Variants in GOLM2 observed in about 807,000 individuals in gnomAD.
The protein encoded by GOLM2 is protein GOLM2.
Under a neutral mutation model 55.9 loss-of-function variants are expected in GOLM2, and 26 were observed. The ratio of observed to expected loss-of-function variants is 0.47; its 90% confidence interval spans 0.34 to 0.65. The LOEUF (loss-of-function observed/expected upper bound fraction) is 0.65, where lower values mean the gene tolerates loss of function less well. Ranked by LOEUF, GOLM2 falls within the 30% of genes least tolerant of loss-of-function variation. GOLM2 has a pLI of 0.01. For synonymous variants in GOLM2, 165 were observed against 194.6 expected (o/e 0.85, Z 1.27); for missense variants, 486 against 531.8 (o/e 0.91, Z 0.85).
At chr15:44,398,066 C>A (rs1031906555) in intron 8 of GOLM2, among the ~76,000 whole-genome samples, 1 of 152,198 alleles carries the variant, frequency 6.6e-6, no homozygotes, top group Non-Finnish European at 1.5e-5. Flanking sequence ...TAAGGCAGAT[C>A]AGATTTCAGT....
intron 8 of GOLM2, among the ~76,000 whole-genome samples, chr15:44,382,723 G>A (rs2079412241): frequency 6.6e-6 from 1 of 151,754 alleles, no homozygotes; most frequent in Non-Finnish European, 1.5e-5. Context: ...TAAAGAAGGT[G>A]GTTGGAAATA....
chr15:44,331,588 ACTT>A (rs1230835451), intron 3 of GOLM2, among the ~76,000 whole-genome samples: 1 of 152,050 alleles, frequency 6.6e-6, no homozygotes, highest in African/African-American at 2.4e-5. Flanking sequence ...TTCTGCTGCC[ACTT>A]CTTATCAGCT....
chr15:44,365,407 A>C (rs1287085210), intron 6 of GOLM2, among the ~76,000 whole-genome samples: 1 of 152,044 alleles, frequency 6.6e-6, no homozygotes, highest in Non-Finnish European at 1.5e-5. Flanking sequence ...TGTGACTGTA[A>C]TCTCAGCTAC....
chr15:44,408,703 G>A (rs1425474024), intron 9 of GOLM2, among the ~76,000 whole-genome samples: 1 of 152,200 alleles, frequency 6.6e-6, no homozygotes, highest in Non-Finnish European at 1.5e-5. Flanking sequence ...AAAGGGCCAG[G>A]CGCGGTGGTT....
Position 44,337,885 on chromosome 15 carries a change from C to A in GOLM2, c.699C>A (p.Ser233Arg). The change falls in exon 5 of 10, where the codon AGC becomes AGA. Residue 233 changes from serine to arginine, a missense_variant. Physicochemically the swap from Ser to Arg is moderately radical, Grantham distance 110 (BLOSUM62 -1). Coordinates refer to ENST00000299957, the MANE Select transcript of GOLM2 (RefSeq NM_138423.4). ...NVADKNEEPS[S>R]NHIPHGKEQI... ...CAGATAAGAATGAAGAACCCTCAAG[C>A]AATCATATTCCACATGGGAAAGGTA... 6.3e-7 allele frequency: 1 copy of A among 1,595,464 alleles called. No individual in the cohort carries two copies. Among genetic ancestry groups the A allele is most frequent in the Non-Finnish European group, 8.5e-7 (1 of 1,175,506 alleles).
chr15:44,380,057 A>C (rs996589310), intron 7 of GOLM2, among the ~76,000 whole-genome samples: 2 of 152,180 alleles, frequency 1.3e-5, no homozygotes, highest in Non-Finnish European at 2.9e-5. Context: ...TCTGCCTGCT[A>C]TACAGGTTTA....
At chr15:44,388,164 T>C (rs2079460802) in intron 8 of GOLM2, among the ~76,000 whole-genome samples, 1 of 149,874 alleles carries the variant, frequency 6.7e-6, no homozygotes, top group Non-Finnish European at 1.5e-5. Context: ...TAATTCCAGC[T>C]ACTCGGGAGG....
chr15:44,312,095 A>T (rs900241857), intron 1 of GOLM2, among the ~76,000 whole-genome samples: 3 of 152,090 alleles, frequency 2.0e-5, no homozygotes, highest in African/African-American at 7.2e-5. Context: ...CTAATCTATT[A>T]CCTCTTCCTT....
intron 6 of GOLM2, among the ~76,000 whole-genome samples, chr15:44,362,795 C>T (rs1425602058): frequency 1.3e-5 from 2 of 152,192 alleles, no homozygotes; most frequent in African/African-American, 4.8e-5. Flanking sequence ...TCAAACTATA[C>T]TGCAAGGCTA....
At chr15:44,362,879 AATAACGCCGC>A (rs1289811987) in intron 6 of GOLM2, among the ~76,000 whole-genome samples, 4 of 152,232 alleles carry the variant, frequency 2.6e-5, no homozygotes, top group African/African-American at 9.7e-5. Context: ...AGCCCTCAGA[AATAACGCCGC>A]ATATCTACAG....
At chr15:44,385,423 G>A (rs897077261) in intron 8 of GOLM2, among the ~76,000 whole-genome samples, 2 of 144,786 alleles carry the variant, frequency 1.4e-5, no homozygotes, top group African/African-American at 5.1e-5. Context: ...TAGTACATAT[G>A]AAGTGATGTT....
intron 6 of GOLM2, among the ~76,000 whole-genome samples, chr15:44,366,292 G>A (rs1490573987): frequency 8.1e-6 from 1 of 124,180 alleles, no homozygotes; most frequent in African/African-American, 3.1e-5. Context: ...GCGAGACTCC[G>A]TCTCAAAAAA....
Position 44,309,904 on chromosome 15 carries a change from T to TA in GOLM2, c.328-13060dup, listed in dbSNP as rs2078861867. On this transcript the variant is annotated intron_variant, in intron 1 of 9. Transcript: ENST00000299957. The stretch of plus-strand genomic sequence containing the variant: ...CACCAGCTTTTGGTTTTTTTTTTGA[T>TA]ACGGAGTTTCACTCTGTTGCCCAGG... Among the ~76,000 whole-genome samples, 7 of 151,954 alleles carry TA rather than the reference T, an allele frequency of 4.6e-5. No homozygotes were observed. The South Asian group carries it at 1.5e-3, about 32-fold the overall frequency.
At chr15:44,375,285 C>A (rs963344537) in intron 6 of GOLM2, among the ~76,000 whole-genome samples, 3 of 152,172 alleles carry the variant, frequency 2.0e-5, no homozygotes, top group African/African-American at 7.2e-5. Context: ...TCCCAAAGTG[C>A]TGAGATTACA....
At chr15:44,367,816 C>T (rs1410556144) in intron 6 of GOLM2, among the ~76,000 whole-genome samples, 4 of 151,736 alleles carry the variant, frequency 2.6e-5, no homozygotes, top group Non-Finnish European at 5.9e-5. Flanking sequence ...GATGCAGTTC[C>T]AACTGTCTTC....
chr15:44,367,664 G>A (rs1304276993), intron 6 of GOLM2, among the ~76,000 whole-genome samples: 1 of 151,984 alleles, frequency 6.6e-6, no homozygotes, highest in Non-Finnish European at 1.5e-5. Context: ...GCCTGGTGGC[G>A]TGGGCCTGCA....
chr15:44,289,959 T>C lies in GOLM2; in HGVS notation c.327+603T>C, dbSNP rs2078708644. Among the ~76,000 whole-genome samples the C allele has an allele frequency of 6.6e-6, 1 of 152,218 alleles. No individual in the cohort carries two copies. The highest frequency in any genetic ancestry group is 6.5e-5 in the Admixed American group (1 of 15,272). ...GTGAGACACACTTGTGTCTTGGACA[T>C]AGTTGATCCATCATTATCTACTCAA... On this transcript the variant is annotated intron_variant, in intron 1 of 9. Transcript: ENST00000299957. The surrounding 1 kb of genome is among the most constrained non-coding windows in gnomAD (Gnocchi z 4.8).
chr15:44,329,899 CTT>C (rs777520089), intron 3 of GOLM2, among the ~76,000 whole-genome samples: 8 of 126,908 alleles, frequency 6.3e-5, no homozygotes, highest in Admixed American at 2.4e-4. Flanking sequence ...GAGAACTTGT[CTT>C]TTTTTTTTTT....
intron 2 of GOLM2, among the ~76,000 whole-genome samples, chr15:44,326,604 C>CG (rs2078982460): frequency 6.6e-6 from 1 of 150,516 alleles, no homozygotes. Context: ...TATATGTTTA[C>CG]ATCTGCTGTT....
Sources: allele counts gnomAD v4.1 joint callset (sites outside exome capture counted in the v4.1 genomes callset), GRCh38; gene constraint gnomAD v4.1.1; non-coding constraint Gnocchi (gnomAD v3.1); transcripts MANE v1.5; gene names NCBI Gene and HGNC (gene_info 2026-07-23, HGNC 2026-07-21).